Variants in RNF222 observed in about 807,000 individuals in gnomAD.
The protein encoded by RNF222 is RING finger protein LOC643904.
RNF222 carries 14 observed loss-of-function variants against 10.8 expected under a neutral mutation model. The observed-to-expected ratio is 1.30, with a 90% CI of 0.86 to 2.03. The LOEUF is 2.03. Among genes scored for constraint, RNF222 ranks in the 30% most tolerant of loss-of-function variants. The pLI, the probability that RNF222 is intolerant of heterozygous loss-of-function variation, is 0.00. For synonymous variants in RNF222, 141 were observed against 142.5 expected (o/e 0.99, Z 0.07); for missense variants, 298 against 295.8 (o/e 1.01, Z -0.06).
chr17:8,395,028 T>G (rs1907997102), intron 1 of RNF222, among the ~76,000 whole-genome samples: 1 of 152,210 alleles, frequency 6.6e-6, no homozygotes, highest in African/African-American at 2.4e-5. Flanking sequence ...CCCCCAGACC[T>G]GAGAGATGAC....
In RNF222 at chr17:8,392,893, C is replaced by G; in HGVS notation, c.569G>C (p.Arg190Pro). 1 of 1,533,036 alleles carries G rather than the reference C, an allele frequency of 6.5e-7. No individual in the cohort carries two copies. The highest frequency in any genetic ancestry group is 2.5e-5 in the East Asian group (1 of 40,808). 95.0% of individuals were successfully genotyped at this position (1,533,036 alleles called of 1,614,324 possible). ...CGTGATGAGCAGCAGGGCCCGCGATCGGCAGCAGAAGGCGCGGGCGGAGCG... is the reference window on the plus strand; with the variant it reads ...CGTGATGAGCAGCAGGGCCCGCGATGGGCAGCAGAAGGCGCGGGCGGAGCG... ...APRSARAFCCRSRALLLITLI... is the reference protein window; with the variant it reads ...APRSARAFCCPSRALLLITLI... The change falls in exon 3 of 3, where the codon CGA becomes CCA. Residue 190 changes from arginine (R) to proline (P), a missense_variant. Physicochemically the swap from Arg to Pro is moderately radical, Grantham distance 103. Transcript: ENST00000399398. This position sits in a 1 kb window ranked among gnomAD's most constrained non-coding sequence, Gnocchi z 4.3.
rs1907795219 is a variant in RNF222, at chr17:8,390,730, A to T, written c.*2069T>A. On this transcript the variant is annotated 3_prime_UTR_variant, in exon 3 of 3. Coordinates refer to ENST00000399398, the MANE Select transcript of RNF222 (RefSeq NM_001146684.3). ...TTGAGAAAATATATACCTTTATTTTAAAAATAGCTTTTGGCATTCTCTGAC... is the reference window on the plus strand; with the variant it reads ...TTGAGAAAATATATACCTTTATTTTTAAAATAGCTTTTGGCATTCTCTGAC... 6.6e-6 allele frequency: 1 copy of T among 152,218 alleles called. No homozygotes were observed. Among genetic ancestry groups the T allele is most frequent in the African/African-American group, 2.4e-5 (1 of 41,448 alleles). 9.4% of individuals were successfully genotyped at this position (152,218 alleles called of 1,614,324 possible).
rs766918643 is a variant in RNF222, at chr17:8,393,132, G to A, written c.330C>T (p.Ala110=). ...LDSLGHTNPL[A]ASSPAWRPPP... ...GTGGCCTCCAGGCAGGGGAGGAGGC[G>A]GCCAGGGGGTTTGTGTGGCCCAGGC... The change falls in exon 3 of 3, where the codon GCC becomes GCT. Residue 110 remains alanine (A), a synonymous_variant. Transcript: ENST00000399398. 102 of 1,538,290 alleles carry A rather than the reference G, an allele frequency of 6.6e-5. No individual in the cohort carries two copies. Among genetic ancestry groups the A allele is most frequent in the Non-Finnish European group, 8.6e-5 (98 of 1,140,694 alleles).
Position 8,393,273 on chromosome 17 carries a change from G to T in RNF222, c.189C>A (p.Ile63=), listed in dbSNP as rs1297600042. Residue 63 remains isoleucine, a synonymous_variant, in exon 3 of 3, where the codon ATC becomes ATA. Transcript: ENST00000399398. ...GQVQRTLVCP[I]CRYVTFLSKK... ...TGCTGAGGAATGTGACGTAGCGGCA[G>T]ATGGGGCAGACCAGGGTCCTCTGGA... 3.2e-6 allele frequency: 5 copies of T among 1,551,286 alleles called. No individual in the cohort carries two copies. The South Asian group carries it at 4.8e-5, about 15-fold the overall frequency.
At chr17:8,397,539 G>A (rs2151685335) in intron 1 of RNF222, among the ~76,000 whole-genome samples, 156 bp downstream of exon 1, 1 of 152,294 alleles carries the variant, frequency 6.6e-6, no homozygotes, top group Non-Finnish European at 1.5e-5. Flanking sequence ...AGCTTTAGCT[G>A]TGACTAGTTG....
Position 8,392,966 on chromosome 17 carries a change from G to T in RNF222, c.496C>A (p.Leu166Met), listed in dbSNP as rs1433884299. 1.3e-6 allele frequency: 2 copies of T among 1,514,216 alleles called. No homozygotes were observed. The highest frequency in any genetic ancestry group is 1.8e-6 in the Non-Finnish European group (2 of 1,137,134). 93.8% of individuals were successfully genotyped at this position (1,514,216 alleles called of 1,614,324 possible). ...GMPLGEQDSV[L>M]PRRSLAELSE... ...AGCTCTGCCAGGCTGCGGCGGGGCAGCACGCTGTCCTGCTCCCCCAGGGGC... is the reference window on the plus strand; with the variant it reads ...AGCTCTGCCAGGCTGCGGCGGGGCATCACGCTGTCCTGCTCCCCCAGGGGC... The change falls in exon 3 of 3, where the codon CTG (leucine) becomes ATG (methionine). Residue 166 changes from leucine (L) to methionine (M), a missense_variant. By Grantham distance (15) the Leu-to-Met change is conservative. Coordinates refer to ENST00000399398, the MANE Select transcript of RNF222 (RefSeq NM_001146684.3). This position sits in a 1 kb window ranked among gnomAD's most constrained non-coding sequence, Gnocchi z 4.3.
intron 1 of RNF222, among the ~76,000 whole-genome samples, chr17:8,397,257 A>C (rs1301009456): frequency 6.6e-6 from 1 of 152,190 alleles, no homozygotes; most frequent in Non-Finnish European, 1.5e-5. Flanking sequence ...CTTCCTCTTT[A>C]GGTTTAGAGT....
intron 1 of RNF222, among the ~76,000 whole-genome samples, chr17:8,394,768 G>T (rs1907988533): frequency 6.6e-6 from 1 of 152,214 alleles, no homozygotes. Context: ...CAGAATCTGA[G>T]AGCAGATTTG....
Position 8,393,472 on chromosome 17 carries a change from A to T in RNF222, c.-11T>A. The T allele has an allele frequency of 6.5e-7, 1 of 1,542,656 alleles. No individual in the cohort carries two copies. Among genetic ancestry groups the T allele is most frequent in the South Asian group, 1.2e-5 (1 of 82,976 alleles). On this transcript the variant is annotated 5_prime_UTR_variant, in exon 3 of 3. Transcript: ENST00000399398. The stretch of plus-strand genomic sequence containing the variant: ...CTCCCCTTCTGACATGGCCACTGGG[A>T]GATGGCACGCTCAGCTGTGGACGGG...
In RNF222 at chr17:8,390,757, A is replaced by G. The variant is rs1907796012; in HGVS notation, c.*2042T>C. The G allele has an allele frequency of 6.6e-6, 1 of 152,194 alleles. No individual in the cohort carries two copies. Among genetic ancestry groups the G allele is most frequent in the Admixed American group, 6.6e-5 (1 of 15,266 alleles). The allele number at this position is 152,194 out of a possible 1,614,324, so 9.4% of individuals were successfully genotyped here. On this transcript the variant is annotated 3_prime_UTR_variant, in exon 3 of 3. Coordinates refer to ENST00000399398, the MANE Select transcript of RNF222 (RefSeq NM_001146684.3). The stretch of plus-strand genomic sequence containing the variant: ...AAATAGCTTTTGGCATTCTCTGACA[A>G]TAAAAGGAGTTGCAGCTACAGGTCA...
chr17:8,397,069 T>C (rs933480162), intron 1 of RNF222, among the ~76,000 whole-genome samples: 6 of 152,172 alleles, frequency 3.9e-5, no homozygotes, highest in African/African-American at 1.2e-4. Flanking sequence ...ATCCTAATTA[T>C]ATGCTTGGCA....
At position 8,392,957 on chromosome 17, in the gene RNF222, G is replaced by C. The variant is rs758279853; in HGVS notation, c.505C>G (p.Arg169Gly). ...LGEQDSVLPR[R>G]SLAELSEASL... ...GCCTCCGAGAGCTCTGCCAGGCTGC[G>C]GCGGGGCAGCACGCTGTCCTGCTCC... Residue 169 changes from arginine (R) to glycine (G), a missense_variant, in exon 3 of 3, where the codon CGC becomes GGC. Coordinates refer to ENST00000399398, the MANE Select transcript of RNF222 (RefSeq NM_001146684.3). The surrounding 1 kb of genome is among the most constrained non-coding windows in gnomAD (Gnocchi z 4.3). 1.1e-5 allele frequency: 16 copies of C among 1,518,790 alleles called. No individual in the cohort carries two copies. Among genetic ancestry groups the C allele is most frequent in the Non-Finnish European group, 1.4e-5 (16 of 1,139,140 alleles). 94.1% of individuals were successfully genotyped at this position (1,518,790 alleles called of 1,614,324 possible). A position where few individuals can be genotyped will look rare whatever the true frequency, so the allele number is the denominator to read the frequency against.
At chr17:8,394,603 A>G (rs1293177786) in intron 1 of RNF222, among the ~76,000 whole-genome samples, 1 of 152,076 alleles carries the variant, frequency 6.6e-6, no homozygotes, top group Non-Finnish European at 1.5e-5. Context: ...ACCCATGGCT[A>G]ATTTTTGTAA....
At chr17:8,396,648 G>A (rs1308827711) in intron 1 of RNF222, among the ~76,000 whole-genome samples, 1 of 152,000 alleles carries the variant, frequency 6.6e-6, no homozygotes. Context: ...GCCTCTCTGG[G>A]CAATCCTTCC....
At chr17:8,396,279 G>A (rs1279034314) in intron 1 of RNF222, among the ~76,000 whole-genome samples, 7 of 152,286 alleles carry the variant, frequency 4.6e-5, no homozygotes, top group South Asian at 4.2e-4. Flanking sequence ...TGAAGGTGAC[G>A]GAGAGGGAGT....
In RNF222 at chr17:8,392,491, T is replaced by C. The variant is rs1337840899; in HGVS notation, c.*308A>G. On this transcript the variant is annotated 3_prime_UTR_variant, in exon 3 of 3. Coordinates refer to ENST00000399398, the MANE Select transcript of RNF222 (RefSeq NM_001146684.3). This position sits in a 1 kb window ranked among gnomAD's most constrained non-coding sequence, Gnocchi z 4.3. Reference sequence around the variant, plus strand: ...TGGGCAGGTCACCTGGCAGGTAAGGTCTGCCGCTCAGGGCTGGTGAGCCTG... The same window carrying C: ...TGGGCAGGTCACCTGGCAGGTAAGGCCTGCCGCTCAGGGCTGGTGAGCCTG... 1 of 367,166 alleles carries C rather than the reference T, an allele frequency of 2.7e-6. No homozygotes were observed. The highest frequency in any genetic ancestry group is 5.0e-6 in the Non-Finnish European group (1 of 201,358). 22.7% of individuals were successfully genotyped at this position (367,166 alleles called of 1,614,324 possible).
At chr17:8,396,702 G>A (rs1908050617) in intron 1 of RNF222, among the ~76,000 whole-genome samples, 1 of 152,076 alleles carries the variant, frequency 6.6e-6, no homozygotes, top group African/African-American at 2.4e-5. Context: ...ACACCTGGAC[G>A]ATGCTACCTC....
At position 8,392,840 on chromosome 17, in the gene RNF222, C is replaced by T. The variant is rs1465257751; in HGVS notation, c.622G>A (p.Ala208Thr). 7 of 1,532,906 alleles carry T rather than the reference C, an allele frequency of 4.6e-6. No homozygotes were observed. The highest frequency in any genetic ancestry group is 4.9e-5 in the East Asian group (2 of 40,890). 95.0% of individuals were successfully genotyped at this position (1,532,906 alleles called of 1,614,324 possible). ...TLIAVVAVVA[A>T]ILPWVLLVRK... ...ACCAGCAGCACCCAGGGCAGGATGG[C>T]GGCCACCACGGCCACCACAGCGATG... Residue 208 changes from alanine to threonine, a missense_variant, in exon 3 of 3, where the codon GCC becomes ACC. Ala to Thr is a moderately conservative substitution (Grantham distance 58). Coordinates refer to ENST00000399398, the MANE Select transcript of RNF222 (RefSeq NM_001146684.3). The surrounding 1 kb of genome is among the most constrained non-coding windows in gnomAD (Gnocchi z 4.3).
rs1216960687 is a variant in RNF222, at chr17:8,393,140, G to C, written c.322C>G (p.Pro108Ala). ...PPLDSLGHTN[P>A]LAASSPAWRP... ...CAGGCAGGGGAGGAGGCGGCCAGGG[G>C]GTTTGTGTGGCCCAGGCTGTCCAGT... Residue 108 changes from proline to alanine, a missense_variant, in exon 3 of 3, where the codon CCC becomes GCC. Transcript: ENST00000399398. 1 of 1,544,470 alleles carries C rather than the reference G, an allele frequency of 6.5e-7. No individual in the cohort carries two copies. Among genetic ancestry groups the C allele is most frequent in the Admixed American group, 2.0e-5 (1 of 50,612 alleles).
Sources: gnomAD v4.1 joint callset for allele counts (sites outside exome capture counted in the v4.1 genomes callset) on GRCh38, gnomAD v4.1.1 for gene constraint, Gnocchi (gnomAD v3.1) non-coding constraint, MANE v1.5 for transcripts, NCBI Gene and HGNC (gene_info 2026-07-23, HGNC 2026-07-21) for gene names.